The following CSMD1 variants were observed in gnomAD, a reference collection of about 807,000 sequenced individuals.
CSMD1 encodes CUB and Sushi multiple domains 1.
In CSMD1, 213 loss-of-function variants were observed where a neutral mutation model predicts 417.5. The ratio of observed to expected loss-of-function variants is 0.51; its 90% CI spans 0.46 to 0.57. CSMD1 has a LOEUF of 0.57. CSMD1 is among the 20% of genes least tolerant of loss of function. CSMD1 has a pLI of 0.00. For synonymous variants in CSMD1, 2,862 were observed against 1,736.8 expected (o/e 1.65, Z -16.11); for missense variants, 6,923 against 4,529.7 (o/e 1.53, Z -15.17).
chr8:4,792,883 C>T (rs1165102003), intron 1 of CSMD1, among the ~76,000 whole-genome samples: 1 of 151,966 alleles, frequency 6.6e-6, no homozygotes, highest in Non-Finnish European at 1.5e-5. Context: ...TGGTTTTGTG[C>T]TCTCTGCCAG....
intron 5 of CSMD1, among the ~76,000 whole-genome samples, chr8:3,856,230 T>G (rs1412846692): frequency 6.6e-6 from 1 of 152,092 alleles, no homozygotes; most frequent in East Asian, 1.9e-4. Flanking sequence ...GCTGTTTGTG[T>G]AGCACCTGCT....
chr8:4,170,924 C>T (rs3849832), intron 3 of CSMD1, among the ~76,000 whole-genome samples: 46,727 of 151,728 alleles, frequency 0.31, 9,049 homozygotes, highest in Non-Finnish European at 0.41. Flanking sequence ...TATTCCAATG[C>T]CTGTACAAGC....
At chr8:4,021,703 T>G (rs1007585718) in intron 4 of CSMD1, among the ~76,000 whole-genome samples, 2 of 152,342 alleles carry the variant, frequency 1.3e-5, no homozygotes, top group African/African-American at 4.8e-5. Flanking sequence ...TGACTATTTT[T>G]TTCTCTATGT....
At chr8:3,934,830 G>A (rs997715171) in intron 5 of CSMD1, among the ~76,000 whole-genome samples, 1 of 152,054 alleles carries the variant, frequency 6.6e-6, no homozygotes, top group African/African-American at 2.4e-5. Context: ...CTGGGCAACA[G>A]AGCAAGACTC....
intron 3 of CSMD1, among the ~76,000 whole-genome samples, chr8:4,417,201 T>C (rs762331020): frequency 6.6e-6 from 1 of 152,094 alleles, no homozygotes; most frequent in Non-Finnish European, 1.5e-5. Context: ...ATAAAATTTA[T>C]CAGTGTTCCC....
At chr8:3,714,591 G>C (rs907881478) in intron 6 of CSMD1, among the ~76,000 whole-genome samples, 4 of 30,702 alleles carry the variant, frequency 1.3e-4, no homozygotes, top group Non-Finnish European at 2.7e-4. Flanking sequence ...ATTAGCCCCA[G>C]CCAGGCATGG....
At chr8:3,371,888 T>G (rs560108922) in intron 18 of CSMD1, among the ~76,000 whole-genome samples, 1 of 152,242 alleles carries the variant, frequency 6.6e-6, no homozygotes, top group African/African-American at 2.4e-5. Flanking sequence ...GAAGTAACAT[T>G]ATACATCCCA....
chr8:3,999,051 G>GTT (rs912011507), intron 4 of CSMD1, among the ~76,000 whole-genome samples: 17 of 149,788 alleles, frequency 1.1e-4, no homozygotes, highest in African/African-American at 4.2e-4. Flanking sequence ...ATATAGCTAT[G>GTT]TTATATATAT....
At chr8:3,320,695 T>C (rs1014581690) in intron 23 of CSMD1, among the ~76,000 whole-genome samples, 4 of 152,162 alleles carry the variant, frequency 2.6e-5, no homozygotes, top group Admixed American at 2.6e-4. Context: ...ATCTCATTCT[T>C]TGAAAGAATT....
chr8:4,679,076 C>T (rs1169113943), intron 1 of CSMD1, among the ~76,000 whole-genome samples: 1 of 152,196 alleles, frequency 6.6e-6, no homozygotes, highest in African/African-American at 2.4e-5. Flanking sequence ...CTATTCCTCC[C>T]TCAGGTAGCC....
intron 10 of CSMD1, among the ~76,000 whole-genome samples, chr8:3,538,472 T>C (rs562461939): frequency 1.3e-5 from 2 of 152,174 alleles, no homozygotes; most frequent in East Asian, 1.9e-4. Flanking sequence ...TCACCTAAGA[T>C]GATACACCTG....
intron 5 of CSMD1, among the ~76,000 whole-genome samples, chr8:3,955,398 T>C (rs1304639732): frequency 6.6e-6 from 1 of 152,154 alleles, no homozygotes; most frequent in African/African-American, 2.4e-5. Context: ...CAAAAATGAC[T>C]CTAAGCTTCC....
intron 10 of CSMD1, among the ~76,000 whole-genome samples, chr8:3,530,828 C>T (rs763769516): frequency 6.6e-6 from 1 of 151,378 alleles, no homozygotes; most frequent in Admixed American, 6.6e-5. Flanking sequence ...CATGCCTGCC[C>T]TGCTGCAGTG....
chr8:4,686,520 C>T (rs1480007802), intron 1 of CSMD1, among the ~76,000 whole-genome samples: 1 of 152,192 alleles, frequency 6.6e-6, no homozygotes, highest in Non-Finnish European at 1.5e-5. Context: ...GGGAGCACAG[C>T]GAAGAACCTG....
chr8:3,603,730 CT>C (rs1801473492), intron 8 of CSMD1, among the ~76,000 whole-genome samples: 2 of 152,158 alleles, frequency 1.3e-5, no homozygotes, highest in South Asian at 2.1e-4. Flanking sequence ...AAAAAACCCC[CT>C]GATATATGGG....
At chr8:4,789,603 C>T (rs1797587263) in intron 1 of CSMD1, among the ~76,000 whole-genome samples, 2 of 152,106 alleles carry the variant, frequency 1.3e-5, no homozygotes, top group South Asian at 4.1e-4. Flanking sequence ...AACTGTTTTT[C>T]TCACTCCAGT....
intron 52 of CSMD1, among the ~76,000 whole-genome samples, chr8:3,015,370 C>G (rs760559574): frequency 2.0e-5 from 3 of 151,906 alleles, no homozygotes; most frequent in Admixed American, 6.6e-5. Context: ...GGGTAATTTC[C>G]CATTTTTTCC....
At chr8:3,507,575 G>T in intron 10 of CSMD1, among the ~76,000 whole-genome samples, 1 of 152,092 alleles carries the variant, frequency 6.6e-6, no homozygotes, top group East Asian at 1.9e-4. Context: ...CTGAGGAATC[G>T]CCACACTGAC....
At chr8:4,383,375 G>C (rs534280441) in intron 3 of CSMD1, among the ~76,000 whole-genome samples, 19 of 152,234 alleles carry the variant, frequency 1.2e-4, no homozygotes, top group African/African-American at 4.6e-4. Flanking sequence ...TTATGGAAAT[G>C]TTTACTTGGG....
Sources: gnomAD v4.1 joint callset for allele counts (sites outside exome capture counted in the v4.1 genomes callset) on GRCh38, gnomAD v4.1.1 for gene constraint, MANE v1.5 for transcripts, NCBI Gene and HGNC (gene_info 2026-07-23, HGNC 2026-07-21) for gene names.